THUMPD2: variants seen among roughly 807,000 people sequenced by gnomAD.
THUMPD2 encodes U6 snRNA (guanine-N(2))-methyltransferase THUMPD2.
THUMPD2 carries 56 observed loss-of-function variants against 49.4 expected under a neutral mutation model. The ratio of observed to expected loss-of-function variants is 1.13; its 90% confidence interval spans 0.91 to 1.41. The LOEUF is 1.41. Among genes scored for constraint, THUMPD2 ranks in the 40% most tolerant of loss-of-function variants. The pLI is 0.00. For missense variants in THUMPD2, 709 were observed against 594.5 expected (o/e 1.19, Z -2.00); for synonymous variants, 237 against 205.2 (o/e 1.15, Z -1.32).
intron 5 of THUMPD2, among the ~76,000 whole-genome samples, chr2:39,765,507 AT>A (rs1677397048): frequency 6.6e-6 from 1 of 151,210 alleles, no homozygotes; most frequent in South Asian, 2.1e-4. Context: ...GGGTCAAAGT[AT>A]TAAAAAAAAA....
intron 1 of THUMPD2, among the ~76,000 whole-genome samples, chr2:39,773,121 T>C (rs541255859): frequency 6.6e-6 from 1 of 152,172 alleles, no homozygotes; most frequent in African/African-American, 2.4e-5. Context: ...GTTTCTAGAA[T>C]TTACTTCTTT....
intron 6 of THUMPD2, among the ~76,000 whole-genome samples, chr2:39,756,744 C>A (rs1676183510): frequency 6.6e-6 from 1 of 152,096 alleles, no homozygotes; most frequent in African/African-American, 2.4e-5. Flanking sequence ...TATACGGTAA[C>A]AATCACAAGA....
intron 9 of THUMPD2, among the ~76,000 whole-genome samples, chr2:39,739,011 C>T (rs1393399927): frequency 2.0e-5 from 3 of 152,200 alleles, no homozygotes; most frequent in Non-Finnish European, 4.4e-5. Context: ...CAAAGCTAGA[C>T]AATTCTGTCT....
In THUMPD2 at chr2:39,769,925, G is replaced by T. The variant is rs763280636; in HGVS notation, c.457C>A (p.Gln153Lys). 5 of 1,575,170 alleles carry T rather than the reference G, an allele frequency of 3.2e-6. No individual in the cohort carries two copies. The highest frequency in any genetic ancestry group is 1.7e-4 in the Middle Eastern group (1 of 5,798). The change falls in exon 3 of 10, where the codon CAA (glutamine) becomes AAA (lysine). Residue 153 changes from glutamine (Q) to lysine (K), a missense_variant. Gln to Lys is a moderately conservative substitution (Grantham distance 53). Transcript: ENST00000505747. ...CAGTCCCTATTCTCTTCTATCTTTT[G>T]CATTTGTTCTATTTTTAATTTCTTT... ...IAKKLKIEQM[Q>K]KIEENRDCQL...
chr2:39,765,986 T>C, intron 5 of THUMPD2, 71 bp downstream of exon 5: 1 of 1,241,800 alleles, frequency 8.1e-7, no homozygotes, highest in Non-Finnish European at 1.1e-6. Context: ...ATTCATGCTG[T>C]AAATAAAAAA....
rs939049371 is a variant in THUMPD2 at position 39,749,732 on chromosome 2, A to G, written c.1079-5254T>C. Among the ~76,000 whole-genome samples the G allele has an allele frequency of 2.6e-5, 4 of 152,198 alleles. No individual in the cohort carries two copies. The East Asian group carries it at 5.8e-4, about 22-fold the overall frequency. On this transcript the variant is annotated intron_variant, in intron 8 of 9. Transcript: ENST00000505747. ...GTAATAAGACCAGCATCCATTAGCT[A>G]TTCTTCCTAATGCTCTCCCTCCCCT...
At chr2:39,775,616 G>C (rs1450824640) in intron 1 of THUMPD2, among the ~76,000 whole-genome samples, 1 of 151,754 alleles carries the variant, frequency 6.6e-6, no homozygotes, top group Non-Finnish European at 1.5e-5. Flanking sequence ...CTGTACTATA[G>C]ATACAAAAAT....
At chr2:39,761,184 A>T in intron 6 of THUMPD2, 147 bp downstream of exon 6, 1 of 657,296 alleles carries the variant, frequency 1.5e-6, no homozygotes, top group Non-Finnish European at 2.5e-6. Flanking sequence ...AGCAGTTTGT[A>T]AGTACAATGG....
At chr2:39,746,491 T>C (rs1480567064) in intron 8 of THUMPD2, among the ~76,000 whole-genome samples, 1 of 152,182 alleles carries the variant, frequency 6.6e-6, no homozygotes, top group African/African-American at 2.4e-5. Flanking sequence ...TACAGTAAAA[T>C]CTTTTAAATT....
chr2:39,770,149 A>T (rs1678118016), intron 2 of THUMPD2, 30 bp from the exon 3 acceptor site: 1 of 1,418,276 alleles, frequency 7.1e-7, no homozygotes, highest in South Asian at 1.7e-5. Context: ...TTGATCCTCT[A>T]TTGAAGCTTT....
At chr2:39,752,758 A>C (rs1301359641) in intron 8 of THUMPD2, among the ~76,000 whole-genome samples, 1 of 152,260 alleles carries the variant, frequency 6.6e-6, no homozygotes, top group African/African-American at 2.4e-5. Context: ...CTCAGTAGTA[A>C]TGAAAGGTAA....
intron 2 of THUMPD2, among the ~76,000 whole-genome samples, chr2:39,770,691 A>G (rs1678194572): frequency 6.6e-6 from 1 of 152,096 alleles, no homozygotes; most frequent in African/African-American, 2.4e-5. Flanking sequence ...AGTCATCAAG[A>G]TGATCCAAAA....
chr2:39,754,988 T>C (rs1675901921), intron 8 of THUMPD2, among the ~76,000 whole-genome samples: 1 of 152,246 alleles, frequency 6.6e-6, no homozygotes, highest in Admixed American at 6.5e-5. Context: ...TATGGCTATT[T>C]TAAACGATCA....
intron 8 of THUMPD2, among the ~76,000 whole-genome samples, chr2:39,751,979 C>T (rs958073005): frequency 3.9e-5 from 6 of 152,112 alleles, no homozygotes; most frequent in South Asian, 2.1e-4. Flanking sequence ...AAAGCCACTG[C>T]GCCTGACTAA....
intron 1 of THUMPD2, among the ~76,000 whole-genome samples, chr2:39,773,283 C>A (rs922118540): frequency 1.3e-5 from 2 of 151,938 alleles, no homozygotes; most frequent in Non-Finnish European, 2.9e-5. Flanking sequence ...CATCATAGAA[C>A]AATTTAACAG....
chr2:39,758,045 C>T (rs962944727), intron 6 of THUMPD2, among the ~76,000 whole-genome samples: 1 of 152,118 alleles, frequency 6.6e-6, no homozygotes, highest in Non-Finnish European at 1.5e-5. Context: ...TTTGTAGTCC[C>T]AGGGCAAATA....
intron 8 of THUMPD2, among the ~76,000 whole-genome samples, chr2:39,752,976 G>A (rs1675613393): frequency 6.6e-6 from 1 of 151,886 alleles, no homozygotes; most frequent in Admixed American, 6.6e-5. Flanking sequence ...CTTTTTCAGG[G>A]GCCTGGATAT....
At chr2:39,754,330 C>T (rs896794309) in intron 8 of THUMPD2, among the ~76,000 whole-genome samples, 22 of 152,184 alleles carry the variant, frequency 1.4e-4, no homozygotes, top group Admixed American at 1.2e-3. Flanking sequence ...AAATAAAAGT[C>T]ACTGGCAGCA....
At chr2:39,752,359 C>G (rs958293409) in intron 8 of THUMPD2, among the ~76,000 whole-genome samples, 3 of 152,186 alleles carry the variant, frequency 2.0e-5, no homozygotes, top group Admixed American at 2.0e-4. Flanking sequence ...AGGATTTATA[C>G]TTGGTGTGAC....
Sources: gnomAD v4.1 joint callset for allele counts (sites outside exome capture counted in the v4.1 genomes callset) on GRCh38, gnomAD v4.1.1 for gene constraint, MANE v1.5 for transcripts, NCBI Gene and HGNC (gene_info 2026-07-23, HGNC 2026-07-21) for gene names.